The following PDE11A variants were observed in gnomAD, a reference collection of about 807,000 sequenced individuals.
The protein encoded by PDE11A is dual 3',5'-cyclic-AMP and -GMP phosphodiesterase 11A.
In PDE11A, 100 loss-of-function variants were observed where a neutral mutation model predicts 100.5. The ratio of observed to expected loss-of-function variants is 1.00; its 90% CI spans 0.85 to 1.18. The LOEUF (loss-of-function observed/expected upper bound fraction) is 1.18, where lower values mean the gene tolerates loss of function less well. Among genes scored for constraint, PDE11A ranks in the 50% most tolerant of loss-of-function variants. The pLI is 0.00. For synonymous variants in PDE11A, 381 were observed against 420.8 expected (o/e 0.91, Z 1.16); for missense variants, 1,141 against 1,152.6 (o/e 0.99, Z 0.15).
Position 177,697,220 on chromosome 2 carries a change from G to A in PDE11A, c.2345+112C>T, listed in dbSNP as rs983885482. ...AACAACAACAAAAAAAGTTTAGCTG[G>A]TTTACACATTGATATCAATGCTAGA... is the stretch of plus-strand genomic sequence containing the variant. On this transcript the variant is annotated intron_variant, in intron 15 of 19. Coordinates refer to ENST00000286063, the MANE Select transcript of PDE11A (RefSeq NM_016953.4). 80 of 719,314 alleles carry A rather than the reference G, an allele frequency of 1.1e-4. No homozygotes were observed. In the Admixed American group the frequency reaches 1.3e-3, roughly 12 times the overall value. The allele number at this position is 719,314 out of a possible 1,614,324, so 44.6% of individuals were successfully genotyped here. A position where few individuals can be genotyped will look rare whatever the true frequency, so the allele number is the denominator to read the frequency against.
chr2:177,912,171 C>T (rs1300792696), intron 2 of PDE11A, among the ~76,000 whole-genome samples: 1 of 152,142 alleles, frequency 6.6e-6, no homozygotes, highest in Non-Finnish European at 1.5e-5. Context: ...AAGCGTGAAT[C>T]TTTACAGGCT....
chr2:177,807,698 T>C (rs2082892518), intron 9 of PDE11A, among the ~76,000 whole-genome samples: 1 of 152,198 alleles, frequency 6.6e-6, no homozygotes, highest in African/African-American at 2.4e-5. Context: ...AGTGCTGGGA[T>C]TGTAGGCGTG....
At chr2:177,671,008 C>T (rs79515821) in intron 17 of PDE11A, among the ~76,000 whole-genome samples, 4,009 of 152,222 alleles carry the variant, frequency 0.026, 158 homozygotes, top group African/African-American at 0.09. Flanking sequence ...CATTTCAGCA[C>T]ACCAGGCTTC....
chr2:178,031,692 AT>A (rs910143404), intron 1 of PDE11A, among the ~76,000 whole-genome samples: 1 of 152,190 alleles, frequency 6.6e-6, no homozygotes, highest in African/African-American at 2.4e-5. Context: ...ATATCATATT[AT>A]TGGGTAGGAA....
chr2:177,949,255 A>G (rs1212387635), intron 2 of PDE11A, among the ~76,000 whole-genome samples: 3 of 150,752 alleles, frequency 2.0e-5, no homozygotes, highest in African/African-American at 4.9e-5. Flanking sequence ...TTCTATAAAT[A>G]CATCTCTAGT....
At chr2:177,765,988 T>G (rs930807753) in intron 10 of PDE11A, among the ~76,000 whole-genome samples, 1 of 152,194 alleles carries the variant, frequency 6.6e-6, no homozygotes, top group African/African-American at 2.4e-5. Context: ...ATGAATCAGT[T>G]TCTTCCCAAA....
At chr2:177,829,855 A>G (rs1383986682) in intron 6 of PDE11A, among the ~76,000 whole-genome samples, 1 of 152,026 alleles carries the variant, frequency 6.6e-6, no homozygotes, top group African/African-American at 2.4e-5. Context: ...TTGAGTGTGG[A>G]CAGGGCCTGT....
At chr2:177,997,347 G>T in intron 2 of PDE11A, 2 of 873,672 alleles carry the variant, frequency 2.3e-6, no homozygotes, top group Non-Finnish European at 3.9e-6. Flanking sequence ...TCTCTTTTTT[G>T]TTCTGCTGAA....
At chr2:178,086,515 G>A (rs1315388628) in intron 2 of PDE11A, among the ~76,000 whole-genome samples, 1 of 152,090 alleles carries the variant, frequency 6.6e-6, no homozygotes, top group East Asian at 1.9e-4. Context: ...GGGCATACAT[G>A]ATTTAAAATG....
intron 13 of PDE11A, among the ~76,000 whole-genome samples, chr2:177,703,319 T>C (rs2081228829): frequency 6.6e-6 from 1 of 152,176 alleles, no homozygotes; most frequent in African/African-American, 2.4e-5. Context: ...ATTTTCTCAT[T>C]TACACATGAG....
At chr2:177,792,523 G>T (rs1020438040) in intron 9 of PDE11A, among the ~76,000 whole-genome samples, 10 of 152,116 alleles carry the variant, frequency 6.6e-5, no homozygotes, top group African/African-American at 2.4e-4. Flanking sequence ...TTGCTTATTT[G>T]CACTGGTTAT....
chr2:177,991,715 A>G lies in PDE11A; in HGVS notation c.1071+22587T>C, dbSNP rs185651421. Among the ~76,000 whole-genome samples the G allele has an allele frequency of 1.3e-5, 2 of 151,542 alleles. 1 individual carries two copies. The highest frequency in any genetic ancestry group is 2.9e-5 in the Non-Finnish European group (2 of 67,898). Reference sequence around the variant, plus strand: ...TACTCTTTTCATATGCAAATTATAGAAAGTCACATCAAACAACTTTTTCAT... The same window carrying G: ...TACTCTTTTCATATGCAAATTATAGGAAGTCACATCAAACAACTTTTTCAT... On this transcript the variant is annotated intron_variant, in intron 2 of 19. Coordinates refer to ENST00000286063, the MANE Select transcript of PDE11A (RefSeq NM_016953.4).
At chr2:177,676,203 G>A (rs181289071) in intron 16 of PDE11A, 27 of 157,650 alleles carry the variant, frequency 1.7e-4, no homozygotes, top group African/African-American at 5.8e-4. Flanking sequence ...TAATTCATAC[G>A]GAACCATGGA....
chr2:178,053,328 A>G (rs949691858), intron 1 of PDE11A, among the ~76,000 whole-genome samples: 2 of 152,182 alleles, frequency 1.3e-5, no homozygotes, highest in African/African-American at 2.4e-5. Flanking sequence ...TCGTGCTAAA[A>G]CCTCTCAATA....
intron 2 of PDE11A, among the ~76,000 whole-genome samples, chr2:177,932,378 C>A (rs908693763): frequency 5.9e-5 from 9 of 152,106 alleles, no homozygotes; most frequent in African/African-American, 1.2e-4. Context: ...AGGACAATAT[C>A]TTTGATGAAC....
chr2:177,996,518 T>A (rs1263665999), intron 2 of PDE11A, among the ~76,000 whole-genome samples: 1 of 151,244 alleles, frequency 6.6e-6, no homozygotes, highest in Non-Finnish European at 1.5e-5. Context: ...TATGTATGTA[T>A]GTATATTATA....
intron 15 of PDE11A, among the ~76,000 whole-genome samples, chr2:177,697,068 C>T (rs1473032640): frequency 6.6e-6 from 1 of 152,134 alleles, no homozygotes; most frequent in Non-Finnish European, 1.5e-5. Flanking sequence ...ATGGCCATCA[C>T]TTAGTTTCAG....
At chr2:177,854,264 TC>T (rs2083789009) in intron 5 of PDE11A, among the ~76,000 whole-genome samples, 1 of 152,004 alleles carries the variant, frequency 6.6e-6, no homozygotes, top group Non-Finnish European at 1.5e-5. Context: ...AGCTCATTGG[TC>T]TGAAATAAAT....
chr2:177,738,761 A>C (rs531722475), intron 10 of PDE11A, among the ~76,000 whole-genome samples: 46 of 152,310 alleles, frequency 3.0e-4, no homozygotes, highest in African/African-American at 9.4e-4. Flanking sequence ...GCTTGATAGC[A>C]CACAGGCATG....
Sources: gnomAD v4.1 joint callset for allele counts (sites outside exome capture counted in the v4.1 genomes callset) on GRCh38, gnomAD v4.1.1 for gene constraint, MANE v1.5 for transcripts, NCBI Gene and HGNC (gene_info 2026-07-23, HGNC 2026-07-21) for gene names.